The following NAV3 variants were observed in gnomAD, a reference collection of about 807,000 sequenced individuals.
The protein encoded by NAV3 is neuron navigator 3.
In NAV3, 87 loss-of-function variants were observed where a neutral mutation model predicts 244.7. The observed-to-expected ratio is 0.36, with a 90% CI of 0.30 to 0.42. NAV3 has a LOEUF of 0.42. Among genes scored for constraint, NAV3 ranks in the 20% least tolerant of loss-of-function variants. NAV3 has a pLI of 1.00. For missense variants in NAV3, 2,663 were observed against 2,893.3 expected, an observed-to-expected ratio of 0.92 and a Z score of 1.83; for synonymous variants, 1,126 against 1,042.2, an observed-to-expected ratio of 1.08 and a Z score of -1.55.
At chr12:78,122,493 C>T (rs2138711775) in intron 16 of NAV3, 65 bp downstream of exon 16, 1 of 1,492,408 alleles carries the variant, frequency 6.7e-7, no homozygotes, top group South Asian at 1.4e-5. Context: ...CTAACCCCCA[C>T]CCCATTAAAT....
At chr12:77,683,439 G>A (rs1412586886) in intron 2 of NAV3, among the ~76,000 whole-genome samples, 3 of 151,900 alleles carry the variant, frequency 2.0e-5, no homozygotes, top group Admixed American at 1.3e-4. Context: ...TTTGAAAACT[G>A]GTAGTCAGGT....
intron 20 of NAV3, among the ~76,000 whole-genome samples, chr12:78,144,692 A>G (rs904607357): frequency 4.6e-5 from 7 of 151,890 alleles, no homozygotes; most frequent in African/African-American, 1.7e-4. Context: ...CGGTGAGTAT[A>G]TTTCTTGATT....
chr12:78,132,889 C>G (rs973890880), intron 18 of NAV3, among the ~76,000 whole-genome samples: 14 of 152,114 alleles, frequency 9.2e-5, no homozygotes, highest in African/African-American at 2.9e-4. Flanking sequence ...TATCATCCTT[C>G]TCTCTACTCT....
intron 12 of NAV3, among the ~76,000 whole-genome samples, chr12:78,094,310 G>T (rs141719377): frequency 6.6e-6 from 1 of 152,158 alleles, no homozygotes; most frequent in Non-Finnish European, 1.5e-5. Flanking sequence ...TATACCAAAA[G>T]ACACCTAGAA....
chr12:78,070,630 C>T lies in NAV3; in HGVS notation c.2636+11515C>T, dbSNP rs990298507. On this transcript the variant is annotated intron_variant, in intron 12 of 39. Transcript: ENST00000397909. ...GGTTAGTTACATATGTATACATGTG[C>T]CATGCTGGTGCGCTGCACCCACTAA... 1.8e-3 allele frequency among the ~76,000 whole-genome samples: 274 copies of T among 151,418 alleles called. 1 individual carries two copies. The highest frequency in any genetic ancestry group is 9.4e-4 in the Non-Finnish European group (64 of 67,798).
chr12:78,037,088 T>C (rs1474927496), intron 9 of NAV3: 1 of 702,848 alleles, frequency 1.4e-6, no homozygotes, highest in Non-Finnish European at 2.6e-6. Context: ...TCTCGCGGTC[T>C]GTGCAGTCCC....
chr12:77,834,612 T>C (rs1275495955), intron 1 of NAV3, among the ~76,000 whole-genome samples: 1 of 152,226 alleles, frequency 6.6e-6, no homozygotes, highest in Non-Finnish European at 1.5e-5. Context: ...TCCACTTTGC[T>C]AAATGACCTT....
intron 2 of NAV3, among the ~76,000 whole-genome samples, chr12:77,685,508 T>C (rs11106269): frequency 0.12 from 1,477 of 11,822 alleles, 33 homozygotes; most frequent in African/African-American, 0.22. Context: ...CACACACACA[T>C]ACCCACACGC....
intron 2 of NAV3, among the ~76,000 whole-genome samples, chr12:77,603,933 A>T (rs1034397960): frequency 1.3e-5 from 2 of 152,252 alleles, no homozygotes; most frequent in Admixed American, 6.5e-5. Context: ...AGCAAAGGGT[A>T]TAAGTAAAGA....
At chr12:77,942,447 C>T (rs2137507761) in intron 3 of NAV3, among the ~76,000 whole-genome samples, 1 of 151,770 alleles carries the variant, frequency 6.6e-6, no homozygotes, top group East Asian at 1.9e-4. Flanking sequence ...ACTCCCAGGA[C>T]CTATTATGAT....
intron 2 of NAV3, among the ~76,000 whole-genome samples, chr12:77,611,815 T>G (rs1870927440): frequency 6.6e-6 from 1 of 152,002 alleles, no homozygotes; most frequent in Non-Finnish European, 1.5e-5. Context: ...TTGAACAAAT[T>G]AACAGTGCTC....
chr12:78,163,789 A>C (rs903699442), intron 23 of NAV3, among the ~76,000 whole-genome samples: 32 of 152,082 alleles, frequency 2.1e-4, no homozygotes, highest in African/African-American at 6.3e-4. Flanking sequence ...TCAGTAGACT[A>C]TGATATTGGC....
intron 2 of NAV3, among the ~76,000 whole-genome samples, chr12:77,683,719 T>TA (rs1874579014): frequency 6.6e-6 from 1 of 152,172 alleles, no homozygotes; most frequent in Non-Finnish European, 1.5e-5. Flanking sequence ...ATGTCTGGCT[T>TA]AGTCTGCTAA....
At chr12:77,938,544 T>C (rs1441328018) in intron 1 of NAV3, among the ~76,000 whole-genome samples, 1 of 152,170 alleles carries the variant, frequency 6.6e-6, no homozygotes, top group African/African-American at 2.4e-5. Flanking sequence ...ACTAGTCTTA[T>C]GATGCCAGTA....
chr12:77,896,036 A>T (rs771155734), intron 1 of NAV3, among the ~76,000 whole-genome samples: 6 of 151,704 alleles, frequency 4.0e-5, no homozygotes, highest in Non-Finnish European at 8.8e-5. Flanking sequence ...AAAATGAGAA[A>T]GTGCCAATGT....
chr12:78,199,290 AAATTT>A (rs140965470), intron 36 of NAV3, 40 bp from the exon 37 acceptor site: 351,247 of 1,360,294 alleles, frequency 0.26, 52,804 homozygotes, highest in East Asian at 0.7. Context: ...TGTGAATGTA[AAATTT>A]AATTTATATA....
intron 2 of NAV3, among the ~76,000 whole-genome samples, chr12:77,823,806 G>A (rs530225887): frequency 6.6e-6 from 1 of 152,220 alleles, no homozygotes; most frequent in Admixed American, 6.5e-5. Flanking sequence ...TTAAGAAATG[G>A]CAGAGGTGAT....
intron 2 of NAV3, among the ~76,000 whole-genome samples, chr12:77,791,821 A>G (rs1427197342): frequency 6.6e-6 from 1 of 152,260 alleles, no homozygotes; most frequent in African/African-American, 2.4e-5. Context: ...CAAACAATAC[A>G]ATATAGCAAG....
At chr12:78,148,940 A>T in intron 22 of NAV3, 21 bp downstream of exon 22, 1 of 1,570,194 alleles carries the variant, frequency 6.4e-7, no homozygotes, top group Non-Finnish European at 8.7e-7. Context: ...TCATTTTTAA[A>T]ATATATTACA....
Sources: gnomAD v4.1 joint callset for allele counts (sites outside exome capture counted in the v4.1 genomes callset) on GRCh38, gnomAD v4.1.1 for gene constraint, MANE v1.5 for transcripts, NCBI Gene and HGNC (gene_info 2026-07-23, HGNC 2026-07-21) for gene names.